The following SLC27A6 variants were observed in gnomAD, a reference collection of about 807,000 sequenced individuals.
SLC27A6 encodes solute carrier family 27 member 6, also known as long-chain fatty acid transport protein 6.
In SLC27A6, 74 loss-of-function variants were observed where a neutral mutation model predicts 63.9. That is an observed-to-expected ratio of 1.16 (90% CI 0.96 to 1.40). The LOEUF is 1.40. Ranked by LOEUF, SLC27A6 falls within the 40% of genes most tolerant of loss-of-function variation. The pLI is 0.00. For synonymous variants in SLC27A6, 287 were observed against 260.8 expected (o/e 1.10, Z -0.97); for missense variants, 794 against 732.9 (o/e 1.08, Z -0.96).
At position 128,985,279 on chromosome 5, in the gene SLC27A6, C is replaced by A. The variant is rs142869983; in HGVS notation, c.628C>A (p.His210Asn). ...SPDEPVPRSHHVVSLLKSTCL... is the reference protein window; with the variant it reads ...SPDEPVPRSHNVVSLLKSTCL... ...TGATGAGCCCGTGCCACGCAGCCAC[C>A]ATGTTGTCTCACTCCTCAAGTCTAC... is the stretch of plus-strand genomic sequence containing the variant. The change falls in exon 2 of 10, where the codon CAT becomes AAT. Residue 210 changes from histidine (H) to asparagine (N), a missense_variant. Transcript: ENST00000262462. 269 of 1,614,090 alleles carry A rather than the reference C, an allele frequency of 1.7e-4. No homozygotes were observed. The highest frequency in any genetic ancestry group is 2.1e-4 in the Non-Finnish European group (253 of 1,180,018).
At chr5:128,990,490 A>G (rs1561618083) in intron 4 of SLC27A6, 26 bp downstream of exon 4, 1 of 1,590,306 alleles carries the variant, frequency 6.3e-7, no homozygotes, top group Non-Finnish European at 8.5e-7. Context: ...ATCAGAAAAA[A>G]ATATGTCAGA....
chr5:129,012,800 C>T (rs572275214), intron 4 of SLC27A6, among the ~76,000 whole-genome samples: 4 of 152,010 alleles, frequency 2.6e-5, no homozygotes, highest in Admixed American at 2.0e-4. Context: ...CTTTTTCCAT[C>T]CAACTACTTT....
intron 4 of SLC27A6, among the ~76,000 whole-genome samples, chr5:129,014,334 A>G (rs552111454): frequency 9.2e-5 from 14 of 152,344 alleles, no homozygotes; most frequent in South Asian, 6.2e-4. Context: ...GGGAAAATGA[A>G]CAAAGTTATG....
At chr5:128,968,473 A>G (rs1282721678) in intron 1 of SLC27A6, among the ~76,000 whole-genome samples, 5 of 152,120 alleles carry the variant, frequency 3.3e-5, no homozygotes, top group African/African-American at 9.7e-5. Context: ...GTGAGATGGT[A>G]TCTCATTGTG....
At chr5:128,988,442 G>A (rs1298202277) in intron 2 of SLC27A6, among the ~76,000 whole-genome samples, 158 bp from the exon 3 acceptor site, 1 of 152,202 alleles carries the variant, frequency 6.6e-6, no homozygotes, top group East Asian at 1.9e-4. Context: ...TTACAAAGCA[G>A]ATAGACTACT....
intron 1 of SLC27A6, among the ~76,000 whole-genome samples, chr5:128,970,124 A>G (rs1426433681): frequency 4.7e-5 from 7 of 147,888 alleles, no homozygotes; most frequent in Admixed American, 2.7e-4. Flanking sequence ...CCACTTGATC[A>G]TGGTGGATAA....
intron 2 of SLC27A6, 80 bp downstream of exon 2, chr5:128,985,416 T>G (rs1325349601): frequency 1.8e-6 from 2 of 1,132,922 alleles, no homozygotes; most frequent in Non-Finnish European, 2.6e-6. Context: ...TTCTACCATG[T>G]GTAGTGACCA....
chr5:128,997,959 G>T (rs1400010183), intron 4 of SLC27A6, among the ~76,000 whole-genome samples: 1 of 151,972 alleles, frequency 6.6e-6, no homozygotes, highest in Non-Finnish European at 1.5e-5. Context: ...TGTAAACAAG[G>T]AAGCCGAATA....
chr5:129,010,249 G>T (rs966599906), intron 4 of SLC27A6, among the ~76,000 whole-genome samples: 1 of 152,110 alleles, frequency 6.6e-6, no homozygotes, highest in Admixed American at 6.5e-5. Context: ...TATAGCAGTA[G>T]TTCATTCTCT....
intron 1 of SLC27A6, among the ~76,000 whole-genome samples, chr5:128,972,851 C>A (rs1750231697): frequency 6.6e-6 from 1 of 152,188 alleles, no homozygotes; most frequent in Admixed American, 6.5e-5. Flanking sequence ...AAGAGGCACT[C>A]TGATTTTTAG....
At position 128,973,078 on chromosome 5, in the gene SLC27A6, C is replaced by T. The variant is rs566010639; in HGVS notation, c.481+6460C>T. On this transcript the variant is annotated intron_variant, in intron 1 of 9. Coordinates refer to ENST00000262462, the MANE Select transcript of SLC27A6 (RefSeq NM_001017372.3). The stretch of plus-strand genomic sequence containing the variant: ...GGAGGTCCACTCCAGACCCCGTTTG[C>T]CTGGGTATCACCAGCGGAGGCTGCA... 1.1e-4 allele frequency among the ~76,000 whole-genome samples: 17 copies of T among 152,326 alleles called. No individual in the cohort carries two copies. The South Asian group carries it at 1.2e-3, about 11-fold the overall frequency.
intron 4 of SLC27A6, among the ~76,000 whole-genome samples, chr5:128,991,873 T>G (rs1750993745): frequency 6.6e-6 from 1 of 151,920 alleles, no homozygotes; most frequent in Non-Finnish European, 1.5e-5. Flanking sequence ...GGTTCATTTG[T>G]TTTTTTGCCC....
Position 129,033,333 on chromosome 5 carries a change from G to A in SLC27A6, c.*51G>A, listed in dbSNP as rs374631815. 3.7e-5 allele frequency: 42 copies of A among 1,136,848 alleles called. No homozygotes were observed. In the African/African-American group the frequency reaches 6.2e-4, roughly 17 times the overall value. The allele number at this position is 1,136,848 out of a possible 1,614,324, so 70.4% of individuals were successfully genotyped here. On this transcript the variant is annotated 3_prime_UTR_variant, in exon 10 of 10. Transcript: ENST00000262462. ...TGCTTTCTTAGGAAGAGTGAGAGGG[G>A]GGTATATGATTCTTTATGAAATGGG...
At chr5:128,994,946 T>C (rs1245402904) in intron 4 of SLC27A6, among the ~76,000 whole-genome samples, 53 of 152,236 alleles carry the variant, frequency 3.5e-4, no homozygotes, top group Non-Finnish European at 3.2e-4. Flanking sequence ...GATGTACTTC[T>C]TTAAAACTGC....
At position 129,033,337 on chromosome 5, in the gene SLC27A6, A is replaced by G. The variant is rs1300022238; in HGVS notation, c.*55A>G. The stretch of plus-strand genomic sequence containing the variant: ...TTCTTAGGAAGAGTGAGAGGGGGGT[A>G]TATGATTCTTTATGAAATGGGGAAA... On this transcript the variant is annotated 3_prime_UTR_variant, in exon 10 of 10. Transcript: ENST00000262462. 27 of 1,073,606 alleles carry G rather than the reference A, an allele frequency of 2.5e-5. No homozygotes were observed. Among genetic ancestry groups the G allele is most frequent in the Non-Finnish European group, 3.2e-5 (24 of 757,322 alleles). 66.5% of individuals were successfully genotyped at this position (1,073,606 alleles called of 1,614,324 possible).
intron 6 of SLC27A6, among the ~76,000 whole-genome samples, chr5:129,024,486 G>A (rs1752170245): frequency 6.6e-6 from 1 of 152,070 alleles, no homozygotes; most frequent in South Asian, 2.1e-4. Flanking sequence ...TATTAAGTGA[G>A]GTTATTGTGG....
intron 1 of SLC27A6, among the ~76,000 whole-genome samples, chr5:128,984,612 C>T (rs1018631140): frequency 1.1e-4 from 17 of 152,202 alleles, no homozygotes; most frequent in African/African-American, 4.1e-4. Context: ...CCCACCCTCC[C>T]CCATTTTGGA....
intron 4 of SLC27A6, among the ~76,000 whole-genome samples, chr5:129,002,138 C>G (rs1751357475): frequency 6.6e-6 from 1 of 152,132 alleles, no homozygotes; most frequent in Non-Finnish European, 1.5e-5. Flanking sequence ...ATTAAAAGCT[C>G]TGGGCCACTA....
At chr5:129,011,242 T>C (rs978951314) in intron 4 of SLC27A6, among the ~76,000 whole-genome samples, 2 of 152,202 alleles carry the variant, frequency 1.3e-5, no homozygotes, top group African/African-American at 2.4e-5. Context: ...GCAGCAGTAA[T>C]AGGCACTCCT....
Sources: allele counts gnomAD v4.1 joint callset (sites outside exome capture counted in the v4.1 genomes callset), GRCh38; gene constraint gnomAD v4.1.1; transcripts MANE v1.5; gene names NCBI Gene and HGNC (gene_info 2026-07-23, HGNC 2026-07-21).